Variants in ADGRB3 observed in about 807,000 individuals in gnomAD.
ADGRB3 encodes adhesion G protein-coupled receptor B3.
A neutral mutation model predicts 193.4 loss-of-function variants in ADGRB3; 37 were observed. That is an observed-to-expected ratio of 0.19 (90% CI 0.15 to 0.25). ADGRB3 has a LOEUF of 0.25. Ranked by LOEUF, ADGRB3 falls within the 10% of genes least tolerant of loss-of-function variation. The pLI, the probability that ADGRB3 is intolerant of heterozygous loss-of-function variation, is 1.00. For missense variants in ADGRB3, 1,637 were observed against 1,852.9 expected (o/e 0.88, Z 2.14); for synonymous variants, 690 against 644.2 (o/e 1.07, Z -1.08).
At chr6:68,886,418 C>T (rs1765909603) in intron 3 of ADGRB3, among the ~76,000 whole-genome samples, 1 of 152,114 alleles carries the variant, frequency 6.6e-6, no homozygotes, top group African/African-American at 2.4e-5. Context: ...TGTAACTTTT[C>T]TCTATCCAGA....
At chr6:69,001,413 T>C (rs1006429825) in intron 11 of ADGRB3, among the ~76,000 whole-genome samples, 3 of 152,180 alleles carry the variant, frequency 2.0e-5, no homozygotes, top group Non-Finnish European at 4.4e-5. Flanking sequence ...TTGAACTTGA[T>C]TCTCTATAAA....
chr6:69,145,415 G>A (rs1275467952), intron 17 of ADGRB3, among the ~76,000 whole-genome samples: 1 of 152,190 alleles, frequency 6.6e-6, no homozygotes, highest in African/African-American at 2.4e-5. Flanking sequence ...GAACTGCAGA[G>A]CCCCCAAAGG....
At chr6:69,051,131 T>A (rs772731838) in intron 15 of ADGRB3, among the ~76,000 whole-genome samples, 46 of 152,190 alleles carry the variant, frequency 3.0e-4, no homozygotes, top group South Asian at 4.1e-4. Flanking sequence ...TTAAAAAAAA[T>A]TTCATGACAG....
At chr6:69,158,722 C>T (rs1215207767) in intron 17 of ADGRB3, among the ~76,000 whole-genome samples, 1 of 151,978 alleles carries the variant, frequency 6.6e-6, no homozygotes, top group African/African-American at 2.4e-5. Flanking sequence ...TCTCTGAACC[C>T]TGCTTGAAGA....
chr6:69,280,686 A>G (rs1767415021), intron 20 of ADGRB3, among the ~76,000 whole-genome samples: 1 of 152,160 alleles, frequency 6.6e-6, no homozygotes. Flanking sequence ...GGAGTAGGGA[A>G]CAGGTTTTAA....
At chr6:68,994,419 A>C (rs748761202) in intron 11 of ADGRB3, among the ~76,000 whole-genome samples, 1 of 152,222 alleles carries the variant, frequency 6.6e-6, no homozygotes, top group Non-Finnish European at 1.5e-5. Flanking sequence ...TAATTTTATC[A>C]AACTATTCCC....
intron 10 of ADGRB3, among the ~76,000 whole-genome samples, chr6:68,993,032 T>G (rs1386897089): frequency 6.6e-6 from 1 of 152,166 alleles, no homozygotes; most frequent in Admixed American, 6.5e-5. Context: ...TTACTATTCT[T>G]TCGCATTATA....
At chr6:68,731,315 T>C (rs979952725) in intron 3 of ADGRB3, among the ~76,000 whole-genome samples, 2 of 151,568 alleles carry the variant, frequency 1.3e-5, no homozygotes, top group Non-Finnish European at 3.0e-5. Context: ...CAAAAAGTAT[T>C]GATTTAAATT....
At chr6:69,160,291 A>T (rs1461566809) in intron 17 of ADGRB3, among the ~76,000 whole-genome samples, 2 of 152,032 alleles carry the variant, frequency 1.3e-5, no homozygotes, top group Non-Finnish European at 2.9e-5. Context: ...GTCCTTCTTG[A>T]TATCTCTCCT....
intron 13 of ADGRB3, among the ~76,000 whole-genome samples, chr6:69,022,023 T>C (rs1770285704): frequency 6.6e-6 from 1 of 151,848 alleles, no homozygotes; most frequent in Non-Finnish European, 1.5e-5. Context: ...ATTTATAAAA[T>C]AATCAAGCTT....
intron 3 of ADGRB3, among the ~76,000 whole-genome samples, chr6:68,874,708 T>C (rs1027745277): frequency 1.3e-5 from 2 of 152,160 alleles, no homozygotes; most frequent in Non-Finnish European, 2.9e-5. Flanking sequence ...ATTCCATACA[T>C]GGAATTCAAG....
intron 30 of ADGRB3, among the ~76,000 whole-genome samples, chr6:69,374,739 A>T (rs2127342186): frequency 6.6e-6 from 1 of 152,194 alleles, no homozygotes; most frequent in Non-Finnish European, 1.5e-5. Flanking sequence ...TTGAAATTGT[A>T]TGCCCACCTC....
chr6:69,101,046 C>T (rs1773040653), intron 17 of ADGRB3, among the ~76,000 whole-genome samples: 2 of 149,880 alleles, frequency 1.3e-5, no homozygotes, highest in Admixed American at 1.3e-4. Flanking sequence ...TCCTGGAAGC[C>T]ATAGGGTAAC....
At chr6:68,875,543 T>A (rs550954325) in intron 3 of ADGRB3, among the ~76,000 whole-genome samples, 5 of 152,018 alleles carry the variant, frequency 3.3e-5, no homozygotes, top group South Asian at 2.1e-4. Context: ...CTTTTCTTAT[T>A]CCTGATGTAT....
At chr6:68,790,163 A>C (rs182069232) in intron 3 of ADGRB3, among the ~76,000 whole-genome samples, 1 of 152,158 alleles carries the variant, frequency 6.6e-6, no homozygotes, top group East Asian at 1.9e-4. Flanking sequence ...TGTCAAAGTC[A>C]TTTTCCTTAT....
At chr6:68,649,564 A>G (rs1436467310) in intron 3 of ADGRB3, among the ~76,000 whole-genome samples, 1 of 152,190 alleles carries the variant, frequency 6.6e-6, no homozygotes, top group Admixed American at 6.5e-5. Context: ...ATAGGTCTCA[A>G]AAAAACGATT....
chr6:69,137,076 TAATGGTAAGATC>T (rs1774173481), intron 17 of ADGRB3, among the ~76,000 whole-genome samples: 9 of 93,256 alleles, frequency 9.7e-5, no homozygotes, highest in South Asian at 8.7e-4. Context: ...TTTTTTTTTT[TAATGGTAAGATC>T]TTTTTGAGCC....
chr6:68,681,782 C>T (rs1317975651), intron 3 of ADGRB3, among the ~76,000 whole-genome samples: 1 of 152,164 alleles, frequency 6.6e-6, no homozygotes, highest in Admixed American at 6.5e-5. Flanking sequence ...AATTTATTTT[C>T]ATTTAATCCA....
At chr6:69,180,123 A>G (rs1775540240) in intron 17 of ADGRB3, among the ~76,000 whole-genome samples, 1 of 152,228 alleles carries the variant, frequency 6.6e-6, no homozygotes, top group Admixed American at 6.5e-5. Flanking sequence ...CTTGGCCCTG[A>G]GTTTTCTGTA....
Sources: gnomAD v4.1 joint callset for allele counts (sites outside exome capture counted in the v4.1 genomes callset) on GRCh38, gnomAD v4.1.1 for gene constraint, MANE v1.5 for transcripts, NCBI Gene and HGNC (gene_info 2026-07-23, HGNC 2026-07-21) for gene names.